The following ANKUB1 variants were observed in gnomAD, a reference collection of about 807,000 sequenced individuals.
The protein encoded by ANKUB1 is protein ANKUB1.
Under a neutral mutation model 49.3 loss-of-function variants are expected in ANKUB1, and 42 were observed. The observed-to-expected ratio is 0.85, with a 90% CI of 0.67 to 1.10. The LOEUF (loss-of-function observed/expected upper bound fraction) is 1.10. ANKUB1 is among the 50% of genes least tolerant of loss of function. The probability of loss-of-function intolerance (pLI) is 0.00; values close to 1 mark genes in which losing one functional copy is unlikely to be tolerated. For missense variants in ANKUB1, 613 were observed against 642.0 expected (o/e 0.95, Z 0.49); for synonymous variants, 222 against 231.0 (o/e 0.96, Z 0.35).
chr3:149,771,921 C>G (rs917216900), intron 3 of ANKUB1, among the ~76,000 whole-genome samples: 1 of 151,904 alleles, frequency 6.6e-6, no homozygotes, highest in Admixed American at 6.6e-5. Context: ...CACTCATTAT[C>G]TTTCACCCAA....
intron 5 of ANKUB1, chr3:149,766,817 AAGCAGCAGCAGC>A (rs11268295): frequency 0.025 from 22,372 of 900,026 alleles, 1,575 homozygotes; most frequent in African/African-American, 0.084. Flanking sequence ...GAAAAAAGAA[AAGCAGCAGCAGC>A]AGCAGCAGCA....
At chr3:149,773,329 T>C (rs142634029) in intron 3 of ANKUB1, among the ~76,000 whole-genome samples, 2 of 152,326 alleles carry the variant, frequency 1.3e-5, no homozygotes, top group Non-Finnish European at 2.9e-5. Context: ...GACTTGCTAT[T>C]CTTTGTGAGT....
chr3:149,776,804 TACACACACAC>T (rs35734266), intron 3 of ANKUB1, among the ~76,000 whole-genome samples: 1 of 149,492 alleles, frequency 6.7e-6, no homozygotes, highest in Non-Finnish European at 1.5e-5. Flanking sequence ...CTATAAAAAA[TACACACACAC>T]ACACACACAC....
chr3:149,768,435 A>T (rs1717167754), intron 4 of ANKUB1, among the ~76,000 whole-genome samples: 1 of 152,180 alleles, frequency 6.6e-6, no homozygotes, highest in South Asian at 2.1e-4. Flanking sequence ...TTATTTAAAG[A>T]TGAAGTCAAG....
intron 2 of ANKUB1, among the ~76,000 whole-genome samples, chr3:149,781,001 CTTTTT>C (rs370353150): frequency 7.5e-6 from 1 of 132,826 alleles, no homozygotes; most frequent in Non-Finnish European, 1.6e-5. Flanking sequence ...GTCTGTCTTC[CTTTTT>C]TTTTTTTTTT....
In ANKUB1 at chr3:149,792,265, C is replaced by A; in HGVS notation, c.90+12G>T. On this transcript the variant is annotated intron_variant, in intron 1 of 5. Transcript: ENST00000446160. Reference sequence around the variant, plus strand: ...AATATACATTTTGGTGGTTTGGGAACGAAGTACATACCTTTATCATCAGCT... The same window carrying A: ...AATATACATTTTGGTGGTTTGGGAAAGAAGTACATACCTTTATCATCAGCT... 6.8e-7 allele frequency: 1 copy of A among 1,462,626 alleles called. No individual in the cohort carries two copies. The highest frequency in any genetic ancestry group is 9.1e-7 in the Non-Finnish European group (1 of 1,099,302). The allele number at this position is 1,462,626 out of a possible 1,614,324, so 90.6% of individuals were successfully genotyped here.
rs750257988 is a variant in ANKUB1 at position 149,780,321 on chromosome 3, G to T, written c.369C>A (p.Pro123=). 1.9e-6 allele frequency: 3 copies of T among 1,551,792 alleles called. No individual in the cohort carries two copies. The highest frequency in any genetic ancestry group is 1.2e-5 in the South Asian group (1 of 84,056). The stretch of plus-strand genomic sequence containing the variant: ...GGGTTCGGAGACAGTAGACACTCAC[G>T]GGGAGGCCACATCTCAGAGTTACCA... ...RTLVTLRCGL[P]VSVYCLRTPR... Residue 123 remains proline (P), a synonymous_variant, in exon 3 of 6, where the codon CCC becomes CCA. Transcript: ENST00000446160.
At chr3:149,791,220 G>A (rs879479605) in intron 1 of ANKUB1, among the ~76,000 whole-genome samples, 1 of 152,166 alleles carries the variant, frequency 6.6e-6, no homozygotes, top group African/African-American at 2.4e-5. Flanking sequence ...ACCTGTGACT[G>A]ACACCAATAG....
intron 3 of ANKUB1, among the ~76,000 whole-genome samples, chr3:149,777,890 A>G (rs1717674114): frequency 6.6e-6 from 1 of 152,222 alleles, no homozygotes; most frequent in Admixed American, 6.5e-5. Flanking sequence ...TGTATGAGCT[A>G]GTATGTACAG....
At chr3:149,761,775 C>T (rs1471175864) in intron 5 of ANKUB1, among the ~76,000 whole-genome samples, 162 bp from the exon 6 acceptor site, 1 of 152,146 alleles carries the variant, frequency 6.6e-6, no homozygotes, top group Non-Finnish European at 1.5e-5. Context: ...AAAACAAGTT[C>T]CCTGTGATGC....
intron 3 of ANKUB1, among the ~76,000 whole-genome samples, chr3:149,771,471 G>A (rs1464551843): frequency 6.6e-6 from 1 of 152,124 alleles, no homozygotes; most frequent in Admixed American, 6.6e-5. Context: ...TGATTGAAAG[G>A]ATCTTCATCA....
At chr3:149,791,206 C>T (rs1035185453) in intron 1 of ANKUB1, among the ~76,000 whole-genome samples, 7 of 152,154 alleles carry the variant, frequency 4.6e-5, no homozygotes, top group Non-Finnish European at 7.4e-5. Context: ...GGAGTAGTCG[C>T]TGTACCTGTG....
At position 149,780,227 on chromosome 3, in the gene ANKUB1, A is replaced by G; in HGVS notation, c.451+12T>C. ...CCAAATGGTAGCTGATATCAAATAT[A>G]CTGGGCAGTACCAATATCAGTCTGG... On this transcript the variant is annotated intron_variant, in intron 3 of 5. Transcript: ENST00000446160. The G allele has an allele frequency of 6.5e-7, 1 of 1,550,384 alleles. No individual in the cohort carries two copies. Among genetic ancestry groups the G allele is most frequent in the South Asian group, 1.2e-5 (1 of 84,014 alleles).
At chr3:149,789,071 G>C (rs1036738390) in intron 2 of ANKUB1, among the ~76,000 whole-genome samples, 3 of 152,004 alleles carry the variant, frequency 2.0e-5, no homozygotes, top group Non-Finnish European at 4.4e-5. Flanking sequence ...ACCACACCTG[G>C]CCAGGATACT....
chr3:149,792,127 G>T, intron 1 of ANKUB1, 150 bp downstream of exon 1: 2 of 453,112 alleles, frequency 4.4e-6, no homozygotes, highest in Non-Finnish European at 3.7e-6. Context: ...TAAATCTATT[G>T]TGTAAGCAAA....
intron 2 of ANKUB1, among the ~76,000 whole-genome samples, chr3:149,788,813 A>G (rs568944070): frequency 1.9e-4 from 29 of 151,922 alleles, no homozygotes; most frequent in Middle Eastern, 6.8e-3. Flanking sequence ...GTCTCACTCT[A>G]TCACCTAGGC....
At chr3:149,777,856 T>G (rs1717672958) in intron 3 of ANKUB1, among the ~76,000 whole-genome samples, 2 of 152,232 alleles carry the variant, frequency 1.3e-5, no homozygotes, top group Admixed American at 1.3e-4. Context: ...ACACCCAGAG[T>G]GCAGAGGCAG....
intron 2 of ANKUB1, among the ~76,000 whole-genome samples, chr3:149,787,712 C>A (rs150367338): frequency 1.3e-5 from 2 of 152,156 alleles, no homozygotes; most frequent in South Asian, 2.1e-4. Context: ...AAAAGAAAAG[C>A]GTAATATACA....
At chr3:149,766,738 C>G in intron 5 of ANKUB1, 1 of 796,794 alleles carries the variant, frequency 1.3e-6, no homozygotes, top group Middle Eastern at 4.0e-4. Context: ...TTCAAGAATG[C>G]AATGAGCTGT....
Sources: gnomAD v4.1 joint callset for allele counts (sites outside exome capture counted in the v4.1 genomes callset) on GRCh38, gnomAD v4.1.1 for gene constraint, MANE v1.5 for transcripts, NCBI Gene and HGNC (gene_info 2026-07-23, HGNC 2026-07-21) for gene names.